The following PCSK5 variants were observed in gnomAD, a reference collection of about 807,000 sequenced individuals.
PCSK5 encodes the protein prohormone convertase 5.
Under a neutral mutation model 233.2 loss-of-function variants are expected in PCSK5, and 129 were observed. The observed-to-expected ratio is 0.55, with a 90% CI of 0.48 to 0.64. The LOEUF (loss-of-function observed/expected upper bound fraction) is 0.64, where lower values mean the gene tolerates loss of function less well. PCSK5 is among the 30% of genes least tolerant of loss of function. The pLI, the probability that PCSK5 is intolerant of heterozygous loss-of-function variation, is 0.00. For missense variants in PCSK5, 2,076 were observed against 2,430.1 expected (o/e 0.85, Z 3.06); for synonymous variants, 825 against 879.2 (o/e 0.94, Z 1.09).
rs1829207867 is a variant in PCSK5, at chr9:76,321,622, A to T, written c.4085A>T (p.His1362Leu). 2 of 1,610,508 alleles carry T rather than the reference A, an allele frequency of 1.2e-6. No homozygotes were observed. Among genetic ancestry groups the T allele is most frequent in the South Asian group, 2.2e-5 (2 of 91,028 alleles). Residue 1362 changes from histidine to leucine, a missense_variant, in exon 31 of 38, where the codon CAT (histidine) becomes CTT (leucine). Transcript: ENST00000674117. ...HCPEMCQDCI[H>L]EKTCKECTPE... Reference sequence around the variant, plus strand: ...CCAGAGATGTGTCAGGACTGCATCCATGAGAAAACATGCAAAGGTACCTAG... The same window carrying T: ...CCAGAGATGTGTCAGGACTGCATCCTTGAGAAAACATGCAAAGGTACCTAG...
At chr9:76,181,706 G>A in intron 16 of PCSK5, 115 bp downstream of exon 16, 2 of 687,730 alleles carry the variant, frequency 2.9e-6, no homozygotes, top group Non-Finnish European at 5.0e-6. Flanking sequence ...ATATCAAACA[G>A]GATCTAGTTC....
intron 35 of PCSK5, among the ~76,000 whole-genome samples, chr9:76,343,265 A>G (rs2131504400): frequency 6.6e-6 from 1 of 151,174 alleles, no homozygotes; most frequent in East Asian, 2.0e-4. Context: ...CCTGGGTTCA[A>G]ATGATTATCC....
chr9:76,216,644 A>G (rs1825543769), intron 20 of PCSK5, among the ~76,000 whole-genome samples: 1 of 152,072 alleles, frequency 6.6e-6, no homozygotes, highest in African/African-American at 2.4e-5. Context: ...AGAACTGTAG[A>G]TTTAGTATTG....
At chr9:75,968,539 A>G (rs888891401) in intron 2 of PCSK5, among the ~76,000 whole-genome samples, 2 of 152,330 alleles carry the variant, frequency 1.3e-5, no homozygotes, top group Non-Finnish European at 2.9e-5. Flanking sequence ...AGAGATAAAC[A>G]TAGTGTGCTC....
Position 75,934,159 on chromosome 9 carries a change from A to G in PCSK5, c.297+1676A>G, listed in dbSNP as rs563149169. ...ACCTGGAATGCACTCCTATTTCAGG[A>G]GAGTGGGGCCATTGCAGGCCAGCCC... On this transcript the variant is annotated intron_variant, in intron 2 of 37. Coordinates refer to ENST00000674117, the MANE Select transcript of PCSK5 (RefSeq NM_001372043.1). Among the ~76,000 whole-genome samples, 7 of 151,458 alleles carry G rather than the reference A, an allele frequency of 4.6e-5. No homozygotes were observed. In the South Asian group the frequency reaches 1.1e-3, roughly 23 times the overall value.
intron 34 of PCSK5, among the ~76,000 whole-genome samples, chr9:76,337,139 G>C (rs569120246): frequency 7.1e-6 from 1 of 141,312 alleles, no homozygotes; most frequent in East Asian, 1.9e-4. Flanking sequence ...CAAATTAGAA[G>C]AATAATTCAG....
intron 2 of PCSK5, among the ~76,000 whole-genome samples, chr9:75,979,777 T>C (rs1236612518): frequency 6.6e-6 from 1 of 152,232 alleles, no homozygotes; most frequent in East Asian, 1.9e-4. Context: ...AAAGAGGCCT[T>C]TCTTGACCAC....
At chr9:76,123,659 C>T (rs577990605) in intron 9 of PCSK5, among the ~76,000 whole-genome samples, 3 of 152,242 alleles carry the variant, frequency 2.0e-5, no homozygotes, top group African/African-American at 4.8e-5. Flanking sequence ...TAGGTCTTTT[C>T]TAATAACAAC....
intron 20 of PCSK5, among the ~76,000 whole-genome samples, chr9:76,202,039 A>C (rs1323298849): frequency 2.0e-5 from 3 of 152,216 alleles, no homozygotes; most frequent in Non-Finnish European, 4.4e-5. Context: ...CAATATAATA[A>C]AAGCTAAACT....
At chr9:76,309,919 G>A (rs1403240687) in intron 29 of PCSK5, among the ~76,000 whole-genome samples, 2 of 152,070 alleles carry the variant, frequency 1.3e-5, no homozygotes, top group African/African-American at 4.8e-5. Flanking sequence ...GTTGTTTTTC[G>A]ATTGAAAAAT....
intron 20 of PCSK5, among the ~76,000 whole-genome samples, chr9:76,210,226 T>C (rs1177819669): frequency 3.9e-5 from 6 of 152,186 alleles, no homozygotes; most frequent in African/African-American, 1.4e-4. Flanking sequence ...AGCCAGTTAC[T>C]GTAAGCTACC....
intron 5 of PCSK5, among the ~76,000 whole-genome samples, chr9:76,043,261 G>A (rs1373445383): frequency 2.7e-5 from 4 of 150,662 alleles, no homozygotes; most frequent in East Asian, 2.0e-4. Flanking sequence ...GCGTGTACCC[G>A]GGAGGTGGAG....
chr9:76,288,722 G>A (rs563884093), intron 24 of PCSK5, among the ~76,000 whole-genome samples: 2 of 152,322 alleles, frequency 1.3e-5, no homozygotes, highest in South Asian at 4.1e-4. Flanking sequence ...CCCTTTCACA[G>A]TCTGCATGGG....
chr9:76,046,103 T>C (rs1829359572), intron 5 of PCSK5, among the ~76,000 whole-genome samples: 1 of 150,584 alleles, frequency 6.6e-6, no homozygotes, highest in African/African-American at 2.4e-5. Context: ...GACAGATGAA[T>C]CAATATGAAT....
intron 24 of PCSK5, among the ~76,000 whole-genome samples, chr9:76,242,964 C>T (rs534382286): frequency 1.3e-5 from 2 of 152,276 alleles, no homozygotes; most frequent in South Asian, 4.1e-4. Flanking sequence ...TGTGTGAACT[C>T]CTTCAGGTTC....
rs558287275 is a variant in PCSK5, at chr9:76,118,063, C to T, written c.1208+10712C>T. The stretch of plus-strand genomic sequence containing the variant: ...CATTGGAATTGACATCTGATAGCCT[C>T]ATTTTCCATAGCAGATGTATTCAAT... On this transcript the variant is annotated intron_variant, in intron 9 of 37. Transcript: ENST00000674117. 4.6e-5 allele frequency among the ~76,000 whole-genome samples: 7 copies of T among 152,202 alleles called. No homozygotes were observed. In the South Asian group the frequency reaches 8.3e-4, roughly 18 times the overall value.
intron 9 of PCSK5, among the ~76,000 whole-genome samples, chr9:76,110,661 A>C (rs1832173202): frequency 6.6e-6 from 1 of 152,130 alleles, no homozygotes; most frequent in Non-Finnish European, 1.5e-5. Flanking sequence ...ACACCATTGC[A>C]CTACAGCCCA....
intron 3 of PCSK5, among the ~76,000 whole-genome samples, chr9:76,017,842 T>C (rs1051850132): frequency 3.9e-5 from 6 of 152,124 alleles, no homozygotes; most frequent in Non-Finnish European, 5.9e-5. Context: ...CTACCTTGAT[T>C]TGTATTTCCA....
chr9:76,176,634 T>C (rs1823628560), intron 14 of PCSK5, among the ~76,000 whole-genome samples: 1 of 152,224 alleles, frequency 6.6e-6, no homozygotes, highest in African/African-American at 2.4e-5. Flanking sequence ...TGCAATCTTT[T>C]AATTTTATGT....
Sources: gnomAD v4.1 joint callset for allele counts (sites outside exome capture counted in the v4.1 genomes callset) on GRCh38, gnomAD v4.1.1 for gene constraint, MANE v1.5 for transcripts, NCBI Gene and HGNC (gene_info 2026-07-23, HGNC 2026-07-21) for gene names.